Variants in WDR62 observed in about 807,000 individuals in gnomAD.
The protein encoded by WDR62 is WD repeat-containing protein 62.
Under a neutral mutation model 160.6 loss-of-function variants are expected in WDR62, and 112 were observed. The observed-to-expected ratio is 0.70, with a 90% confidence interval of 0.60 to 0.82. The LOEUF (loss-of-function observed/expected upper bound fraction) is 0.82, where lower values mean the gene tolerates loss of function less well. Ranked by LOEUF, WDR62 falls within the 40% of genes least tolerant of loss-of-function variation. The probability of loss-of-function intolerance (pLI) is 0.00; values close to 1 mark genes in which losing one functional copy is unlikely to be tolerated. For synonymous variants in WDR62, 792 were observed against 815.1 expected (o/e 0.97, Z 0.48); for missense variants, 1,819 against 1,983.8 (o/e 0.92, Z 1.58).
Position 36,081,559 on chromosome 19 carries a change from A to G in WDR62, c.1360A>G (p.Ile454Val), listed in dbSNP as rs758122133. The G allele has an allele frequency of 1.2e-6, 2 of 1,614,082 alleles. No individual in the cohort carries two copies. The highest frequency in any genetic ancestry group is 2.7e-5 in the African/African-American group (2 of 74,924). The part of the protein sequence containing the change: ...SSPDSHWQKN[I>V]FSNTLLKVVY... ...CCCTGATTCTCACTGGCAGAAAAACATCTTCAGCAATGTGAGTGGCTTCCT... is the reference window on the plus strand; with the variant it reads ...CCCTGATTCTCACTGGCAGAAAAACGTCTTCAGCAATGTGAGTGGCTTCCT... Residue 454 changes from isoleucine (I) to valine (V), a missense_variant, in exon 10 of 32, where the codon ATC (isoleucine) becomes GTC (valine). Physicochemically the swap from Ile to Val is conservative, Grantham distance 29. Around this residue, in one of 3 missense-constraint regions of WDR62, gnomAD observed 934 missense variants for 1,157.2 expected, o/e 0.81. Transcript: ENST00000401500.
At chr19:36,077,256 T>TTTCCTTCC in intron 9 of WDR62, among the ~76,000 whole-genome samples, 1 of 143,960 alleles carries the variant, frequency 6.9e-6, no homozygotes, top group Non-Finnish European at 1.5e-5. Flanking sequence ...TCTCTCCTTC[T>TTTCCTTCC]TTCCTTCCTT....
rs985446448 is a variant in WDR62, at chr19:36,104,814, C to T, written c.4358C>T (p.Thr1453Ile). Reference sequence around the variant, plus strand: ...GACACCGGGCAGCAGCAGGCACGGACTGAGCTGGTCTCCACCTTCCTGTGG... The same window carrying T: ...GACACCGGGCAGCAGCAGGCACGGATTGAGCTGGTCTCCACCTTCCTGTGG... The part of the protein sequence containing the change: ...QVDTGQQQAR[T>I]ELVSTFLWIH... Residue 1453 changes from threonine (T) to isoleucine (I), a missense_variant, in exon 32 of 32, where the codon ACT becomes ATT. By Grantham distance (89) the Thr-to-Ile change is moderately conservative. Transcript: ENST00000401500. The T allele has an allele frequency of 6.2e-7, 1 of 1,613,608 alleles. No homozygotes were observed. Among genetic ancestry groups the T allele is most frequent in the African/African-American group, 1.3e-5 (1 of 75,060 alleles).
chr19:36,097,119 G>A (rs770968352), intron 21 of WDR62, 40 bp downstream of exon 21: 2 of 1,600,502 alleles, frequency 1.2e-6, no homozygotes, highest in South Asian at 1.1e-5. Flanking sequence ...GGCTGGCAGA[G>A]GAAACGCCTC....
chr19:36,103,564 G>T lies in WDR62; in HGVS notation c.3736G>T (p.Ala1246Ser). Residue 1246 changes from alanine (A) to serine (S), a missense_variant, in exon 30 of 32, where the codon GCC becomes TCC. By Grantham distance (99) the Ala-to-Ser change is moderately conservative (BLOSUM62 1). This residue lies in a region of WDR62 where 770 missense variants were observed against 734.2 expected (regional missense o/e 1.05). Coordinates refer to ENST00000401500, the MANE Select transcript of WDR62 (RefSeq NM_001083961.2). ...DSEGPIVATL[A>S]QPLRRPSSVG... The stretch of plus-strand genomic sequence containing the variant: ...TGAGGGCCCTATCGTGGCCACACTG[G>T]CCCAGCCCCTCCGTAGGCCATCGTC... The T allele has an allele frequency of 6.2e-7, 1 of 1,613,890 alleles. No individual in the cohort carries two copies. The highest frequency in any genetic ancestry group is 2.2e-5 in the East Asian group (1 of 44,878).
Position 36,060,404 on chromosome 19 carries a change from G to A in WDR62, c.332+374G>A, listed in dbSNP as rs546937943. Reference sequence around the variant, plus strand: ...CTTGACTCTGAGACCTGAAGGAAGCGAGAGGGTGACCCATAAGAAGCTGTA... The same window carrying A: ...CTTGACTCTGAGACCTGAAGGAAGCAAGAGGGTGACCCATAAGAAGCTGTA... On this transcript the variant is annotated intron_variant, in intron 3 of 31. Coordinates refer to ENST00000401500, the MANE Select transcript of WDR62 (RefSeq NM_001083961.2). The A allele has an allele frequency of 1.8e-5, 5 of 272,640 alleles. No homozygotes were observed. The East Asian group carries it at 2.3e-4, about 13-fold the overall frequency. The allele number at this position is 272,640 out of a possible 1,614,324, so 16.9% of individuals were successfully genotyped here.
At chr19:36,059,109 C>T (rs916333266) in intron 2 of WDR62, 17 of 657,300 alleles carry the variant, frequency 2.6e-5, no homozygotes, top group Admixed American at 8.3e-5. Flanking sequence ...GAGGTGACAG[C>T]GATTCTGGGA....
At chr19:36,055,969 C>G (rs1970343372) in intron 1 of WDR62, among the ~76,000 whole-genome samples, 1 of 152,150 alleles carries the variant, frequency 6.6e-6, no homozygotes, top group South Asian at 2.1e-4. Context: ...AGTTCAAGAC[C>G]AGCCTGGCCA....
intron 12 of WDR62, among the ~76,000 whole-genome samples, chr19:36,086,056 G>A (rs1428500030): frequency 6.6e-6 from 1 of 151,966 alleles, no homozygotes. Context: ...TACAGAGTTG[G>A]TGGAGTTATA....
rs1971292526 is a variant in WDR62 at position 36,071,446 on chromosome 19, A to G, written c.883-110A>G. On this transcript the variant is annotated intron_variant, in intron 7 of 31. Coordinates refer to ENST00000401500, the MANE Select transcript of WDR62 (RefSeq NM_001083961.2). ...TGCTAAAATGGGTGTCTTAGACCCA[A>G]GGAACTGTAAGTCTTCTCTGGAGGC... The G allele has an allele frequency of 2.3e-6, 3 of 1,279,636 alleles. No homozygotes were observed. In the East Asian group the frequency reaches 6.9e-5, roughly 30 times the overall value. The allele number at this position is 1,279,636 out of a possible 1,614,324, so 79.3% of individuals were successfully genotyped here. A position where few individuals can be genotyped will look rare whatever the true frequency, so the allele number is the denominator to read the frequency against.
At chr19:36,106,561 G>A (rs755383809), downstream of WDR62, among the ~76,000 whole-genome samples, 4 of 152,084 alleles carry the variant, frequency 2.6e-5, no homozygotes, top group African/African-American at 7.2e-5. Flanking sequence ...AAGGCCTTTC[G>A]AGGTGACATT....
chr19:36,092,800 T>G lies in WDR62; in HGVS notation c.2322T>G (p.Ser774Arg). The change falls in exon 19 of 32, where the codon AGT becomes AGG. Residue 774 changes from serine to arginine, a missense_variant. Ser to Arg is a moderately radical substitution (Grantham distance 110). Coordinates refer to ENST00000401500, the MANE Select transcript of WDR62 (RefSeq NM_001083961.2). ...AGCACACAAATGACAAGAAGCGGAG[T>G]GGCCACCCCAGGTCCTGGCAGCCCC... is the stretch of plus-strand genomic sequence containing the variant. ...QQQHTNDKKR[S>R]GHPRQDTYVS... 6.2e-7 allele frequency: 1 copy of G among 1,613,538 alleles called. No individual in the cohort carries two copies. Among genetic ancestry groups the G allele is most frequent in the South Asian group, 1.1e-5 (1 of 91,036 alleles).
chr19:36,074,305 G>A (rs2056398), intron 9 of WDR62: 139,355 of 150,754 alleles, frequency 0.92, 64,430 homozygotes, highest in East Asian at 1. Flanking sequence ...CCATGTCTAG[G>A]AAAAAAAAAA....
intron 7 of WDR62, among the ~76,000 whole-genome samples, chr19:36,069,439 C>T (rs531318102): frequency 7.8e-4 from 118 of 151,088 alleles, no homozygotes; most frequent in African/African-American, 2.6e-3. Flanking sequence ...GATGGGCGGC[C>T]GGGCAGAGAC....
intron 24 of WDR62, 149 bp downstream of exon 24, chr19:36,101,466 G>C: frequency 7.0e-6 from 6 of 854,942 alleles, no homozygotes; most frequent in Non-Finnish European, 1.2e-5. Flanking sequence ...TGAGGATTCT[G>C]GGCCCAGCTG....
rs1973492846 is a variant in WDR62 at position 36,103,193 on chromosome 19, C to G, written c.3500C>G (p.Ala1167Gly). The G allele has an allele frequency of 6.2e-7, 1 of 1,613,888 alleles. No individual in the cohort carries two copies. The highest frequency in any genetic ancestry group is 1.1e-5 in the South Asian group (1 of 91,066). The change falls in exon 29 of 32, where the codon GCC (alanine) becomes GGC (glycine). Residue 1167 changes from alanine to glycine, a missense_variant. Transcript: ENST00000401500. ...GGGAAGGCTGAAGAGACCCTGGAGG[C>G]CTGGCGCCCACCACGTGAGTGCCCC... Reference protein sequence around the residue: ...AAGKAEETLEAWRPPPPCLTS... With the variant: ...AAGKAEETLEGWRPPPPCLTS...
chr19:36,099,841 G>T (rs1251113506), intron 22 of WDR62, among the ~76,000 whole-genome samples: 1 of 152,226 alleles, frequency 6.6e-6, no homozygotes, highest in Non-Finnish European at 1.5e-5. Context: ...GGATGCTAGA[G>T]CAGGCTTGTA....
At chr19:36,099,732 G>GA in intron 22 of WDR62, 115 bp downstream of exon 22, 1 of 1,053,202 alleles carries the variant, frequency 9.5e-7, no homozygotes, top group South Asian at 1.3e-5. Context: ...ATGAGATGGT[G>GA]AAGGGCAGGA....
chr19:36,078,879 T>C (rs2145685930), intron 9 of WDR62, among the ~76,000 whole-genome samples: 1 of 150,798 alleles, frequency 6.6e-6, no homozygotes, highest in East Asian at 1.9e-4. Context: ...TTATCTTTTT[T>C]TGTGAAAATA....
chr19:36,096,717 AG>A lies in WDR62; in HGVS notation c.2468-309del, dbSNP rs752750896. Among the ~76,000 whole-genome samples the A allele has an allele frequency of 9.0e-3, 1,339 of 148,156 alleles. 30 individuals carry two copies. The highest frequency in any genetic ancestry group is 0.027 in the African/African-American group (1,090 of 40,508). On this transcript the variant is annotated intron_variant, in intron 20 of 31. Transcript: ENST00000401500. ...CAGAGCGAGACTCCGTCTCAAAAAA[AG>A]AAAAAAAAAGAGAACCCCAAGAGTT...
Sources: allele counts gnomAD v4.1 joint callset (sites outside exome capture counted in the v4.1 genomes callset), GRCh38; gene constraint gnomAD v4.1.1; regional missense constraint gnomAD v4.1.1; transcripts MANE v1.5; gene names NCBI Gene and HGNC (gene_info 2026-07-23, HGNC 2026-07-21).